The following PCDHGA7 variants were observed in gnomAD, a reference collection of about 807,000 sequenced individuals.
The protein encoded by PCDHGA7 is protocadherin gamma-A7.
Under a neutral mutation model 58.3 loss-of-function variants are expected in PCDHGA7, and 44 were observed. The observed-to-expected ratio is 0.75, with a 90% CI of 0.59 to 0.97. PCDHGA7 has a LOEUF of 0.97. PCDHGA7 is among the 50% of genes least tolerant of loss of function. The pLI is 0.00. For synonymous variants in PCDHGA7, 516 were observed against 504.2 expected (o/e 1.02, Z -0.31); for missense variants, 1,266 against 1,188.7 (o/e 1.06, Z -0.96).
chr5:141,505,494 A>G lies in PCDHGA7; in HGVS notation c.2572+13A>G. ...GCGTCCGCCAGTGGTAAGTGGTGTC[A>G]GTGTGTGTATGGAAGAGTGGGAGAC... is the stretch of plus-strand genomic sequence containing the variant. On this transcript the variant is annotated intron_variant, in intron 3 of 3. Transcript: ENST00000518325. The G allele has an allele frequency of 6.8e-6, 11 of 1,614,198 alleles. No homozygotes were observed. Among genetic ancestry groups the G allele is most frequent in the Non-Finnish European group, 9.3e-6 (11 of 1,180,006 alleles).
chr5:141,422,390 C>T, intron 1 of PCDHGA7: 1 of 1,591,016 alleles, frequency 6.3e-7, no homozygotes, highest in Non-Finnish European at 8.5e-7. Flanking sequence ...TGTTTTATTC[C>T]TAACCACCTG....
At chr5:141,437,887 G>A (rs1289693561) in intron 1 of PCDHGA7, among the ~76,000 whole-genome samples, 12 of 151,946 alleles carry the variant, frequency 7.9e-5, no homozygotes, top group Admixed American at 3.3e-4. Flanking sequence ...ACAGGCACAC[G>A]CCACCACACC....
In PCDHGA7 at chr5:141,487,460, G is replaced by T; in HGVS notation, c.2425-7347G>T. ...AGGGTCAGATGACCCTATCAAGTTT[G>T]TTGATGTGGGAGGCCACTCTCATGG... On this transcript the variant is annotated intron_variant, in intron 1 of 3. Transcript: ENST00000518325. The surrounding 1 kb of genome is among the most constrained non-coding windows in gnomAD (Gnocchi z 5.0). 1 of 1,614,170 alleles carries T rather than the reference G, an allele frequency of 6.2e-7. No individual in the cohort carries two copies. Among genetic ancestry groups the T allele is most frequent in the Non-Finnish European group, 8.5e-7 (1 of 1,180,024 alleles).
chr5:141,420,507 A>G (rs548077936), intron 1 of PCDHGA7: 1 of 428,282 alleles, frequency 2.3e-6, no homozygotes, highest in African/African-American at 2.0e-5. Context: ...TGACATTTTT[A>G]TGAAGTAAAA....
rs1437533706 is a variant in PCDHGA7, at chr5:141,511,419, G to C, written c.*246G>C. On this transcript the variant is annotated 3_prime_UTR_variant, in exon 4 of 4. Transcript: ENST00000518325. ...ATCCAATCAACTGCTGTACCCATGG[G>C]GGTAGTGGGGTTACTGTAGACACCA... The C allele has an allele frequency of 2.4e-6, 2 of 830,456 alleles. No individual in the cohort carries two copies. The highest frequency in any genetic ancestry group is 5.8e-5 in the East Asian group (2 of 34,260). 51.4% of individuals were successfully genotyped at this position (830,456 alleles called of 1,614,324 possible).
At chr5:141,415,359 G>C in intron 1 of PCDHGA7, 2 of 1,614,246 alleles carry the variant, frequency 1.2e-6, no homozygotes, top group Non-Finnish European at 1.7e-6. Flanking sequence ...AGTCACGCCT[G>C]CTGCAGGCTT....
intron 1 of PCDHGA7, chr5:141,419,783 C>A: frequency 1.2e-6 from 2 of 1,614,070 alleles, no homozygotes; most frequent in Non-Finnish European, 1.7e-6. Context: ...CCGCCAGCGC[C>A]TGCTAGTCGC....
intron 1 of PCDHGA7, chr5:141,400,723 C>A (rs1317017521): frequency 6.1e-6 from 4 of 660,798 alleles, no homozygotes; most frequent in Non-Finnish European, 7.7e-6. Flanking sequence ...TATAGATTTA[C>A]AAAGTAGTGA....
At chr5:141,430,567 A>G in intron 1 of PCDHGA7, 1 of 434,308 alleles carries the variant, frequency 2.3e-6, no homozygotes, top group Non-Finnish European at 3.9e-6. Context: ...GGGGAGAGAA[A>G]AGCGGAGATC....
At position 141,489,559 on chromosome 5, in the gene PCDHGA7, C is replaced by A; in HGVS notation, c.2425-5248C>A. ...CAGCACCAGCTGCCTGCTGCCAGTG[C>A]AGGTGGTGACTGAACACCCCCTGGA... On this transcript the variant is annotated intron_variant, in intron 1 of 3. Coordinates refer to ENST00000518325, the MANE Select transcript of PCDHGA7 (RefSeq NM_018920.4). This position sits in a 1 kb window ranked among gnomAD's most constrained non-coding sequence, Gnocchi z 4.5. The A allele has an allele frequency of 6.2e-7, 1 of 1,614,078 alleles. No homozygotes were observed. The highest frequency in any genetic ancestry group is 8.5e-7 in the Non-Finnish European group (1 of 1,180,014).
At chr5:141,393,632 C>T (rs1477463079) in intron 1 of PCDHGA7, 1 of 1,613,930 alleles carries the variant, frequency 6.2e-7, no homozygotes, top group Non-Finnish European at 8.5e-7. Context: ...ATGAGGGAAT[C>T]AACGGAAAAG....
intron 1 of PCDHGA7, chr5:141,388,503 TC>T (rs1405490200): frequency 6.2e-7 from 1 of 1,613,782 alleles, no homozygotes; most frequent in Admixed American, 1.7e-5. Context: ...AAAGCAGAAA[TC>T]CTACCACTTG....
rs950164698 is a variant in PCDHGA7, at chr5:141,423,459, G to A, written c.2424+38136G>A. ...TGCCCACGTCACATTTTGTAGGCGT[G>A]GACGGGGTACAGGCTTTCCTGCAAA... On this transcript the variant is annotated intron_variant, in intron 1 of 3. Coordinates refer to ENST00000518325, the MANE Select transcript of PCDHGA7 (RefSeq NM_018920.4). 4.3e-6 allele frequency: 7 copies of A among 1,614,006 alleles called. No individual in the cohort carries two copies. In the South Asian group the frequency reaches 6.6e-5, roughly 15 times the overall value.
intron 1 of PCDHGA7, among the ~76,000 whole-genome samples, chr5:141,425,189 T>C (rs1042702500): frequency 2.6e-5 from 4 of 152,116 alleles, no homozygotes; most frequent in African/African-American, 7.2e-5. Flanking sequence ...AATTCCAAAC[T>C]GAGAAAAATG....
intron 1 of PCDHGA7, among the ~76,000 whole-genome samples, chr5:141,472,688 A>G (rs970538300): frequency 2.0e-5 from 3 of 151,384 alleles, no homozygotes; most frequent in African/African-American, 7.3e-5. Context: ...CATTTCCCCT[A>G]GAAATAAGTG....
chr5:141,413,803 G>A (rs1331029473), intron 1 of PCDHGA7: 3 of 1,613,142 alleles, frequency 1.9e-6, no homozygotes, highest in Non-Finnish European at 1.7e-6. Flanking sequence ...CGAGGAAGAG[G>A]CCATTCACCA....
intron 1 of PCDHGA7, chr5:141,440,987 A>C (rs2098217413): frequency 6.6e-6 from 1 of 152,278 alleles, no homozygotes; most frequent in African/African-American, 2.4e-5. Flanking sequence ...AACCCAGAGT[A>C]CCCATATCTA....
intron 1 of PCDHGA7, among the ~76,000 whole-genome samples, chr5:141,474,862 T>C (rs1281140736): frequency 6.6e-6 from 1 of 152,264 alleles, no homozygotes; most frequent in Non-Finnish European, 1.5e-5. Context: ...CTTCATTTAA[T>C]AGGATAGGAG....
chr5:141,454,865 TG>T (rs2098805228), intron 1 of PCDHGA7, among the ~76,000 whole-genome samples: 1 of 135,344 alleles, frequency 7.4e-6, no homozygotes, highest in Non-Finnish European at 1.5e-5. Flanking sequence ...TGGAGTGCAG[TG>T]GCACGATCTT....
Sources: gnomAD v4.1 joint callset for allele counts (sites outside exome capture counted in the v4.1 genomes callset) on GRCh38, gnomAD v4.1.1 for gene constraint, Gnocchi (gnomAD v3.1) non-coding constraint, MANE v1.5 for transcripts, NCBI Gene and HGNC (gene_info 2026-07-23, HGNC 2026-07-21) for gene names.